The following SLC23A2 variants were observed in gnomAD, a reference collection of about 807,000 sequenced individuals.
SLC23A2 encodes Na(+)/L-ascorbic acid transporter 2.
A neutral mutation model predicts 73.3 loss-of-function variants in SLC23A2; 36 were observed. The ratio of observed to expected loss-of-function variants is 0.49; its 90% CI spans 0.38 to 0.65. The LOEUF is 0.65. Among genes scored for constraint, SLC23A2 ranks in the 30% least tolerant of loss-of-function variants. SLC23A2 has a pLI of 0.00. For synonymous variants in SLC23A2, 343 were observed against 327.3 expected (o/e 1.05, Z -0.52); for missense variants, 507 against 841.6 (o/e 0.60, Z 4.92).
At chr20:4,865,020 CTAT>C (rs1446993535) in intron 13 of SLC23A2, among the ~76,000 whole-genome samples, 1 of 152,184 alleles carries the variant, frequency 6.6e-6, no homozygotes, top group Non-Finnish European at 1.5e-5. Context: ...GACCAAGTAC[CTAT>C]TATGTTTTAT....
chr20:4,916,511 T>C lies in SLC23A2; in HGVS notation c.109-3533A>G, dbSNP rs189964541. Among the ~76,000 whole-genome samples, 19 of 152,264 alleles carry C rather than the reference T, an allele frequency of 1.2e-4. 1 individual carries two copies. The highest frequency in any genetic ancestry group is 2.1e-4 in the South Asian group (1 of 4,814). On this transcript the variant is annotated intron_variant, in intron 3 of 16. Coordinates refer to ENST00000338244, the MANE Select transcript of SLC23A2 (RefSeq NM_005116.6). ...GTGTATTAAAATATCACTGAATTGT[T>C]CACTTTAATTTCATGTTATGCAAAC...
intron 4 of SLC23A2, among the ~76,000 whole-genome samples, chr20:4,908,685 T>C (rs1275632986): frequency 6.6e-6 from 1 of 152,208 alleles, no homozygotes; most frequent in Non-Finnish European, 1.5e-5. Flanking sequence ...TCCCAGCACT[T>C]TGGGAGGCCG....
intron 12 of SLC23A2, 72 bp from the exon 13 acceptor site, chr20:4,867,947 C>T: frequency 2.3e-6 from 2 of 880,100 alleles, no homozygotes; most frequent in Non-Finnish European, 3.7e-6. Context: ...ATAGCCTCTA[C>T]ACATCTACAA....
At chr20:4,923,402 A>C (rs1227054568) in intron 3 of SLC23A2, among the ~76,000 whole-genome samples, 1 of 152,198 alleles carries the variant, frequency 6.6e-6, no homozygotes, top group Non-Finnish European at 1.5e-5. Context: ...TTTCCCCCCA[A>C]CTTACAAATT....
At chr20:4,894,720 C>A (rs1017765806) in intron 6 of SLC23A2, among the ~76,000 whole-genome samples, 2 of 150,936 alleles carry the variant, frequency 1.3e-5, no homozygotes, top group African/African-American at 4.9e-5. Context: ...TCCCTTTCGT[C>A]TGCAAAGACA....
At chr20:4,913,712 C>T (rs1332703287) in intron 3 of SLC23A2, among the ~76,000 whole-genome samples, 4 of 151,996 alleles carry the variant, frequency 2.6e-5, no homozygotes, top group African/African-American at 4.8e-5. Flanking sequence ...CTGCAACCTC[C>T]GCCTCCCAGG....
chr20:4,969,500 A>G (rs889314430), intron 2 of SLC23A2, among the ~76,000 whole-genome samples: 1 of 152,178 alleles, frequency 6.6e-6, no homozygotes, highest in African/African-American at 2.4e-5. Context: ...AAATTTTTTT[A>G]AAACAACACT....
chr20:4,964,745 G>A (rs946474069), intron 2 of SLC23A2, among the ~76,000 whole-genome samples: 4 of 151,534 alleles, frequency 2.6e-5, no homozygotes, highest in Non-Finnish European at 5.9e-5. Flanking sequence ...GGCTGAGGCA[G>A]GAGGATCCCC....
chr20:4,958,446 T>TA (rs2087326692), intron 2 of SLC23A2, among the ~76,000 whole-genome samples: 1 of 152,252 alleles, frequency 6.6e-6, no homozygotes, highest in Non-Finnish European at 1.5e-5. Flanking sequence ...AGTTTTAACA[T>TA]ACATTTTCCA....
intron 15 of SLC23A2, among the ~76,000 whole-genome samples, chr20:4,860,502 A>C (rs1363873355): frequency 6.6e-6 from 1 of 152,204 alleles, no homozygotes; most frequent in Non-Finnish European, 1.5e-5. Context: ...TGTGTGTTAA[A>C]GAAGATCCAT....
chr20:4,885,926 C>CA lies in SLC23A2; in HGVS notation c.483-18dup. The CA allele has an allele frequency of 6.3e-7, 1 of 1,580,736 alleles. No individual in the cohort carries two copies. The highest frequency in any genetic ancestry group is 1.1e-5 in the South Asian group (1 of 89,548). ...AGGGGTAACCTAAAAGAAACGAGACCAAAACCATGATCACGGCATCGGGAA... is the reference window on the plus strand; with the variant it reads ...AGGGGTAACCTAAAAGAAACGAGACCAAAAACCATGATCACGGCATCGGGAA... On this transcript the variant is annotated splice_polypyrimidine_tract_variant and intron_variant, in intron 6 of 16. Transcript: ENST00000338244.
At chr20:4,917,231 A>G (rs1451896655) in intron 3 of SLC23A2, among the ~76,000 whole-genome samples, 4 of 152,208 alleles carry the variant, frequency 2.6e-5, no homozygotes, top group Non-Finnish European at 5.9e-5. Context: ...TTCTGGGTGC[A>G]GCAGGAGAGT....
rs112569431 is a variant in SLC23A2, at chr20:4,913,363, A to T, written c.109-385T>A. 8.8e-3 allele frequency among the ~76,000 whole-genome samples: 1,333 copies of T among 152,160 alleles called. 17 individuals are homozygous for T. Among genetic ancestry groups the T allele is most frequent in the African/African-American group, 0.03 (1,236 of 41,526 alleles). The stretch of plus-strand genomic sequence containing the variant: ...AAGGGGAAATGTTCTAGCTGGAGGA[A>T]CTCAAGCTTTGCTGTTCACCTAAGT... On this transcript the variant is annotated intron_variant, in intron 3 of 16. Coordinates refer to ENST00000338244, the MANE Select transcript of SLC23A2 (RefSeq NM_005116.6).
chr20:4,946,102 C>G (rs2087115658), intron 2 of SLC23A2, among the ~76,000 whole-genome samples: 1 of 152,222 alleles, frequency 6.6e-6, no homozygotes. Context: ...TCTCAGCCTT[C>G]TGTCACTGTC....
chr20:4,982,536 C>A (rs180852037), intron 1 of SLC23A2, among the ~76,000 whole-genome samples: 1 of 152,130 alleles, frequency 6.6e-6, no homozygotes, highest in African/African-American at 2.4e-5. Flanking sequence ...TATGGAAATA[C>A]ACAGGACCCA....
chr20:4,889,040 T>C (rs536969801), intron 6 of SLC23A2, among the ~76,000 whole-genome samples: 10 of 152,326 alleles, frequency 6.6e-5, no homozygotes, highest in African/African-American at 2.2e-4. Flanking sequence ...GATATCTGCT[T>C]GACACCAGCA....
intron 4 of SLC23A2, among the ~76,000 whole-genome samples, chr20:4,904,581 G>A (rs1259832577): frequency 6.6e-6 from 1 of 152,208 alleles, no homozygotes; most frequent in Admixed American, 6.5e-5. Flanking sequence ...TTTTGCTAAC[G>A]TGATGGAATT....
intron 2 of SLC23A2, among the ~76,000 whole-genome samples, chr20:4,933,084 CAG>C (rs746939450): frequency 9.2e-5 from 14 of 152,186 alleles, no homozygotes; most frequent in East Asian, 1.9e-4. Context: ...TCCTATCCAA[CAG>C]AGTCATGTGG....
At chr20:4,888,853 C>T (rs889103406) in intron 6 of SLC23A2, among the ~76,000 whole-genome samples, 45 of 152,222 alleles carry the variant, frequency 3.0e-4, no homozygotes, top group African/African-American at 6.3e-4. Flanking sequence ...CTTCAGGATT[C>T]TCTGGGAGTG....
Sources: allele counts gnomAD v4.1 joint callset (sites outside exome capture counted in the v4.1 genomes callset), GRCh38; gene constraint gnomAD v4.1.1; transcripts MANE v1.5; gene names NCBI Gene and HGNC (gene_info 2026-07-23, HGNC 2026-07-21).